Variants in DSTYK observed in about 807,000 individuals in gnomAD.
The protein encoded by DSTYK is dual serine/threonine and tyrosine protein kinase.
DSTYK carries 34 observed loss-of-function variants against 98.7 expected under a neutral mutation model. That is an observed-to-expected ratio of 0.34 (90% CI 0.26 to 0.46). The LOEUF is 0.46. Among genes scored for constraint, DSTYK ranks in the 20% least tolerant of loss-of-function variants. The pLI is 1.00. For synonymous variants in DSTYK, 462 were observed against 457.3 expected, an observed-to-expected ratio of 1.01 and a Z score of -0.13; for missense variants, 962 against 1,181.7, an observed-to-expected ratio of 0.81 and a Z score of 2.73.
In DSTYK at chr1:205,169,032, G is replaced by T; in HGVS notation, c.1324+131C>A. On this transcript the variant is annotated intron_variant, in intron 3 of 12. Coordinates refer to ENST00000367162, the MANE Select transcript of DSTYK (RefSeq NM_015375.3). This position sits in a 1 kb window ranked among gnomAD's most constrained non-coding sequence, Gnocchi z 4.0. ...CTTGGCTAAATAGTGGGCTCCTGCT[G>T]GTAACAGTGGGGTGGATGAAGTTAC... 1.3e-6 allele frequency: 1 copy of T among 767,938 alleles called. No individual in the cohort carries two copies. The highest frequency in any genetic ancestry group is 2.1e-6 in the Non-Finnish European group (1 of 477,550). 47.6% of individuals were successfully genotyped at this position (767,938 alleles called of 1,614,324 possible). A position where few individuals can be genotyped will look rare whatever the true frequency, so the allele number is the denominator to read the frequency against.
intron 2 of DSTYK, among the ~76,000 whole-genome samples, chr1:205,183,011 G>A (rs369173706): frequency 1.3e-5 from 2 of 151,282 alleles, no homozygotes; most frequent in Non-Finnish European, 2.9e-5. Context: ...ATCTTACGCT[G>A]AGCAAGTTTA....
chr1:205,154,426 G>A (rs116125187), intron 10 of DSTYK, among the ~76,000 whole-genome samples: 1,554 of 152,136 alleles, frequency 0.01, 8 homozygotes, highest in Non-Finnish European at 0.015. Flanking sequence ...CCTTTTGATC[G>A]GCACTTCTCC....
chr1:205,159,934 T>G (rs1234085420), intron 8 of DSTYK, 180 bp downstream of exon 8: 15 of 840,910 alleles, frequency 1.8e-5, no homozygotes, highest in South Asian at 3.4e-5. Context: ...TCTGAGAAAT[T>G]AGGATGGTGG....
chr1:205,197,527 T>C (rs1289066414), intron 1 of DSTYK, among the ~76,000 whole-genome samples: 4 of 151,644 alleles, frequency 2.6e-5, no homozygotes, highest in Admixed American at 2.0e-4. Context: ...GATCCAAATA[T>C]ATACCTAGCA....
At chr1:205,174,512 C>CAAAAAAA (rs1558612516) in intron 2 of DSTYK, among the ~76,000 whole-genome samples, 2 of 39,978 alleles carry the variant, frequency 5.0e-5, no homozygotes, top group Non-Finnish European at 1.2e-4. Flanking sequence ...GACTCCGTCT[C>CAAAAAAA]CAAAAAAAAA....
chr1:205,152,555 A>G (rs755011111), intron 10 of DSTYK, among the ~76,000 whole-genome samples: 1 of 152,188 alleles, frequency 6.6e-6, no homozygotes, highest in Non-Finnish European at 1.5e-5. Flanking sequence ...GCATGACTGT[A>G]CTTCATAAAT....
At chr1:205,168,076 A>G (rs557504631) in intron 3 of DSTYK, among the ~76,000 whole-genome samples, 4 of 152,364 alleles carry the variant, frequency 2.6e-5, no homozygotes, top group African/African-American at 9.6e-5. Flanking sequence ...ACTGCACTCC[A>G]GCCTGGGCGA....
At chr1:205,148,565 T>C (rs1657312360) in intron 11 of DSTYK, among the ~76,000 whole-genome samples, 1 of 152,154 alleles carries the variant, frequency 6.6e-6, no homozygotes, top group Non-Finnish European at 1.5e-5. Flanking sequence ...GAGCCAAGCC[T>C]AGAACTTGAC....
At position 205,148,284 on chromosome 1, in the gene DSTYK, G is replaced by A. The variant is rs1389514417; in HGVS notation, c.2523C>T (p.Ile841=). 2 of 1,614,072 alleles carry A rather than the reference G, an allele frequency of 1.2e-6. No homozygotes were observed. Among genetic ancestry groups the A allele is most frequent in the Admixed American group, 3.3e-5 (2 of 59,996 alleles). ...CAGGGAGCTTGACAGAGCCTGAGCA[G>A]ATATACCAGAAAAGAATTCCAAAAG... ...VYAFGILFWY[I]CSGSVKLPEA... is the part of the protein sequence containing the mutation. The change falls in exon 12 of 13, where the codon ATC becomes ATT. Residue 841 remains isoleucine, a synonymous_variant. Coordinates refer to ENST00000367162, the MANE Select transcript of DSTYK (RefSeq NM_015375.3).
intron 1 of DSTYK, among the ~76,000 whole-genome samples, chr1:205,193,435 A>G (rs1658770665): frequency 6.6e-6 from 1 of 152,172 alleles, no homozygotes; most frequent in Non-Finnish European, 1.5e-5. Context: ...TGGCATGCTG[A>G]GCACTTTGAA....
rs774414868 is a variant in DSTYK, at chr1:205,162,152, C to T, written c.1702G>A (p.Val568Met). ...PAITLEWKRK[V>M]AQEAIESLSA... ...AGGCTCTCAATGGCTTCCTGGGCCA[C>T]CTTCCTCTTCCATTCCAGAGTGATG... is the stretch of plus-strand genomic sequence containing the variant. Residue 568 changes from valine (V) to methionine (M), a missense_variant, in exon 6 of 13, where the codon GTG (valine) becomes ATG (methionine). Val to Met is a conservative substitution (Grantham distance 21, BLOSUM62 1). Coordinates refer to ENST00000367162, the MANE Select transcript of DSTYK (RefSeq NM_015375.3). 8.7e-6 allele frequency: 14 copies of T among 1,614,160 alleles called. No individual in the cohort carries two copies. In the Middle Eastern group the frequency reaches 1.6e-3, roughly 190 times the overall value.
At position 205,209,463 on chromosome 1, in the gene DSTYK, G is replaced by C. The variant is rs764667564; in HGVS notation, c.265+1808C>G. Among the ~76,000 whole-genome samples, 3 of 127,694 alleles carry C rather than the reference G, an allele frequency of 2.3e-5. No individual in the cohort carries two copies. The Admixed American group carries it at 2.5e-4, about 11-fold the overall frequency. The allele number at this position is 127,694 out of a possible 152,430, so 83.8% of individuals were successfully genotyped here. A position where few individuals can be genotyped will look rare whatever the true frequency, so the allele number is the denominator to read the frequency against. On this transcript the variant is annotated intron_variant, in intron 1 of 12. Transcript: ENST00000367162. ...ATTCCAGGACAGTATATTTCTGGAC[G>C]TAAGATGTCAAAGACTAGTTTCAGA...
intron 10 of DSTYK, 36 bp downstream of exon 10, chr1:205,157,237 G>T (rs1341270291): frequency 6.4e-7 from 1 of 1,566,422 alleles, no homozygotes; most frequent in South Asian, 1.1e-5. Context: ...AGCCACAGAG[G>T]TAGGGTATAA....
rs954535949 is a variant in DSTYK at position 205,169,101 on chromosome 1, G to A, written c.1324+62C>T. Reference sequence around the variant, plus strand: ...TTAGGAATTAACGTTCTTAATTTCCGGCTAGAAAATGGTTAGAGACTCCTC... The same window carrying A: ...TTAGGAATTAACGTTCTTAATTTCCAGCTAGAAAATGGTTAGAGACTCCTC... On this transcript the variant is annotated intron_variant, in intron 3 of 12. Transcript: ENST00000367162. The surrounding 1 kb of genome is among the most constrained non-coding windows in gnomAD (Gnocchi z 4.0). 6.6e-6 allele frequency: 9 copies of A among 1,370,516 alleles called. No individual in the cohort carries two copies. In the African/African-American group the frequency reaches 8.7e-5, roughly 13 times the overall value. 84.9% of individuals were successfully genotyped at this position (1,370,516 alleles called of 1,614,324 possible). A position where few individuals can be genotyped will look rare whatever the true frequency, so the allele number is the denominator to read the frequency against.
intron 1 of DSTYK, among the ~76,000 whole-genome samples, chr1:205,198,473 A>G (rs748063897): frequency 1.3e-5 from 2 of 152,168 alleles, no homozygotes; most frequent in African/African-American, 4.8e-5. Flanking sequence ...ACTAAAAAAT[A>G]AGAATGACTT....
chr1:205,162,170 G>C lies in DSTYK; in HGVS notation c.1684C>G (p.Leu562Val), dbSNP rs1260712966. ...ITWVSPPAIT[L>V]EWKRKVAQEA... ...TGGGCCACCTTCCTCTTCCATTCCA[G>C]AGTGATGGCAGGTGGGCTCACCCAT... Residue 562 changes from leucine (L) to valine (V), a missense_variant, in exon 6 of 13, where the codon CTG becomes GTG. Leu to Val is a conservative substitution (Grantham distance 32). This residue lies in a region of DSTYK where 660 missense variants were observed against 855.0 expected (regional missense o/e 0.77). Coordinates refer to ENST00000367162, the MANE Select transcript of DSTYK (RefSeq NM_015375.3). 1 of 1,614,054 alleles carries C rather than the reference G, an allele frequency of 6.2e-7. No homozygotes were observed. Among genetic ancestry groups the C allele is most frequent in the African/African-American group, 1.3e-5 (1 of 74,938 alleles).
rs1338551101 is a variant in DSTYK, at chr1:205,163,806, C to T, written c.1474G>A (p.Val492Ile). 7.4e-6 allele frequency: 12 copies of T among 1,613,994 alleles called. No homozygotes were observed. Among genetic ancestry groups the T allele is most frequent in the South Asian group, 3.3e-5 (3 of 91,078 alleles). ...SSVDYLRESFVGTLERCLQSL... is the reference protein window; with the variant it reads ...SSVDYLRESFIGTLERCLQSL... Reference sequence around the variant, plus strand: ...TGCAGACATCGTTCCAGGGTTCCGACGAAGCTTTCCCTCAGGTAATCCACT... The same window carrying T: ...TGCAGACATCGTTCCAGGGTTCCGATGAAGCTTTCCCTCAGGTAATCCACT... Residue 492 changes from valine (V) to isoleucine (I), a missense_variant, in exon 4 of 13, where the codon GTC (valine) becomes ATC (isoleucine). Around this residue, in one of 4 missense-constraint regions of DSTYK, gnomAD observed 660 missense variants for 855.0 expected, o/e 0.77. Coordinates refer to ENST00000367162, the MANE Select transcript of DSTYK (RefSeq NM_015375.3).
chr1:205,155,051 C>T (rs1657518562), intron 10 of DSTYK, among the ~76,000 whole-genome samples: 1 of 152,068 alleles, frequency 6.6e-6, no homozygotes, highest in Non-Finnish European at 1.5e-5. Context: ...GTGGCGCAAT[C>T]TCAGCTCACT....
intron 1 of DSTYK, among the ~76,000 whole-genome samples, chr1:205,195,328 T>C (rs1658835038): frequency 1.3e-5 from 2 of 152,224 alleles, no homozygotes; most frequent in Admixed American, 1.3e-4. Flanking sequence ...AAATCCTAAA[T>C]TGAGAAAGTA....
Sources: gnomAD v4.1 joint callset for allele counts (sites outside exome capture counted in the v4.1 genomes callset) on GRCh38, gnomAD v4.1.1 for gene constraint, gnomAD v4.1.1 regional missense constraint, Gnocchi (gnomAD v3.1) non-coding constraint, MANE v1.5 for transcripts, NCBI Gene and HGNC (gene_info 2026-07-23, HGNC 2026-07-21) for gene names.